Variants in ANKRD50 observed in about 807,000 individuals in gnomAD.
The protein encoded by ANKRD50 is ankyrin repeat domain-containing protein 50.
A neutral mutation model predicts 112.0 loss-of-function variants in ANKRD50; 40 were observed. The observed-to-expected ratio is 0.36, with a 90% CI of 0.28 to 0.46. ANKRD50 has a LOEUF of 0.46. Ranked by LOEUF, ANKRD50 falls within the 20% of genes least tolerant of loss-of-function variation. ANKRD50 has a pLI of 1.00. For missense variants in ANKRD50, 1,487 were observed against 1,701.7 expected (o/e 0.87, Z 2.22); for synonymous variants, 613 against 619.1 (o/e 0.99, Z 0.15).
In ANKRD50 at chr4:124,664,365, CCAAATT is replaced by C. The variant is rs1352833977; in HGVS notation, c.*3147_*3152del. 2 of 151,950 alleles carry C rather than the reference CCAAATT, an allele frequency of 1.3e-5. No individual in the cohort carries two copies. Among genetic ancestry groups the C allele is most frequent in the African/African-American group, 4.8e-5 (2 of 41,400 alleles). The allele number at this position is 151,950 out of a possible 1,614,324, so 9.4% of individuals were successfully genotyped here. A position where few individuals can be genotyped will look rare whatever the true frequency, so the allele number is the denominator to read the frequency against. Reference sequence around the variant, plus strand: ...TCACTTTCTTCTTTGCAAAATGTTTCCAAATTCATTTGCTCAGGATTTATTTAAGAT... The same window carrying C: ...TCACTTTCTTCTTTGCAAAATGTTTCCATTTGCTCAGGATTTATTTAAGAT... On this transcript the variant is annotated 3_prime_UTR_variant, in exon 5 of 5. Transcript: ENST00000504087.
chr4:124,671,394 GA>G lies in ANKRD50; in HGVS notation c.1882del (p.Ser628LeufsTer8). 1 of 1,613,876 alleles carries G rather than the reference GA, an allele frequency of 6.2e-7. No homozygotes were observed. Among genetic ancestry groups the G allele is most frequent in the Non-Finnish European group, 8.5e-7 (1 of 1,179,872 alleles). On this transcript the variant is annotated frameshift_variant, in exon 4 of 5. Transcript: ENST00000504087. LOFTEE classifies it high-confidence loss of function. ...TTTTACGCCAGCATAAAGTAGTGCA[GA>G]AACTACCTCAGTATGGCCACCCCAA... ...AAWGGHTEVV[S>X]ALLYAGVKVD...
rs757587895 is a variant in ANKRD50 at position 124,710,323 on chromosome 4, A to C, written c.189T>G (p.Gly63=). Residue 63 remains glycine (G), a synonymous_variant, in exon 2 of 5, where the codon GGT becomes GGG. Coordinates refer to ENST00000504087, the MANE Select transcript of ANKRD50 (RefSeq NM_020337.3). The part of the protein sequence containing the change: ...LVMNSGNNAS[G]VSGKGAAWGV... The stretch of plus-strand genomic sequence containing the variant: ...CCCAGGCAGCTCCCTTTCCAGAGAC[A>C]CCACTAGCATTATTCCCAGAATTCA... 4.3e-6 allele frequency: 7 copies of C among 1,614,054 alleles called. No homozygotes were observed. Among genetic ancestry groups the C allele is most frequent in the Non-Finnish European group, 5.9e-6 (7 of 1,180,046 alleles).
chr4:124,676,119 T>G (rs1472406695), intron 3 of ANKRD50, among the ~76,000 whole-genome samples: 2 of 151,728 alleles, frequency 1.3e-5, no homozygotes, highest in Non-Finnish European at 3.0e-5. Context: ...CAGAAAGATA[T>G]GTGTAGGACA....
chr4:124,706,267 CTCAT>C (rs1469734723), intron 2 of ANKRD50, among the ~76,000 whole-genome samples: 1 of 152,040 alleles, frequency 6.6e-6, no homozygotes, highest in Non-Finnish European at 1.5e-5. Flanking sequence ...GGAGAACACT[CTCAT>C]TATTTGTCAT....
chr4:124,687,759 C>T (rs184935018), intron 2 of ANKRD50, among the ~76,000 whole-genome samples: 4 of 152,216 alleles, frequency 2.6e-5, no homozygotes, highest in East Asian at 1.9e-4. Flanking sequence ...AACATAAAAA[C>T]GTGCTCAACA....
In ANKRD50 at chr4:124,710,536, TAG is replaced by T. The variant is rs1413922956; in HGVS notation, c.-27_-26del. On this transcript the variant is annotated 5_prime_UTR_variant, in exon 2 of 5. An upstream open reading frame in the 5' UTR loses its in-frame stop. Coordinates refer to ENST00000504087, the MANE Select transcript of ANKRD50 (RefSeq NM_020337.3). ...TAACGGGTTTTTTATCTTCATTTGC[TAG>T]AGTCTGGATACATCAACACAGGTCT... 6.3e-7 allele frequency: 1 copy of T among 1,591,818 alleles called. No individual in the cohort carries two copies. Among genetic ancestry groups the T allele is most frequent in the Non-Finnish European group, 8.5e-7 (1 of 1,173,564 alleles).
chr4:124,709,074 C>T (rs1725569756), intron 2 of ANKRD50, among the ~76,000 whole-genome samples: 1 of 151,172 alleles, frequency 6.6e-6, no homozygotes, highest in African/African-American at 2.4e-5. Flanking sequence ...CACACACACA[C>T]ACACACAAAC....
chr4:124,673,359 A>G (rs1730703776), intron 3 of ANKRD50, among the ~76,000 whole-genome samples: 1 of 152,110 alleles, frequency 6.6e-6, no homozygotes. Context: ...GAATGAACTT[A>G]CCAAGTCTCT....
At chr4:124,677,962 TAAC>T (rs1248190687) in intron 3 of ANKRD50, among the ~76,000 whole-genome samples, 1 of 152,020 alleles carries the variant, frequency 6.6e-6, no homozygotes, top group East Asian at 1.9e-4. Context: ...TTTTTATCAA[TAAC>T]AACAAGAAAG....
intron 2 of ANKRD50, among the ~76,000 whole-genome samples, chr4:124,689,656 C>G (rs1454499668): frequency 6.6e-6 from 1 of 152,188 alleles, no homozygotes; most frequent in Non-Finnish European, 1.5e-5. Context: ...AGACTGCTGA[C>G]TTTCATACTG....
chr4:124,670,290 T>C lies in ANKRD50; in HGVS notation c.2987A>G (p.Gln996Arg), dbSNP rs1444962631. ...GTCAGCATGGTATGCTATCAGGACC[T>C]GCACCATTTCCATATGGCCTTGCCA... ...SCWQGHMEMV[Q>R]VLIAYHADVN... The change falls in exon 4 of 5, where the codon CAG (glutamine) becomes CGG (arginine). Residue 996 changes from glutamine (Q) to arginine (R), a missense_variant. Coordinates refer to ENST00000504087, the MANE Select transcript of ANKRD50 (RefSeq NM_020337.3). The C allele has an allele frequency of 6.2e-7, 1 of 1,613,854 alleles. No homozygotes were observed. Among genetic ancestry groups the C allele is most frequent in the Non-Finnish European group, 8.5e-7 (1 of 1,179,924 alleles).
At chr4:124,698,848 T>C (rs972181650) in intron 2 of ANKRD50, among the ~76,000 whole-genome samples, 3 of 152,142 alleles carry the variant, frequency 2.0e-5, no homozygotes, top group African/African-American at 7.2e-5. Flanking sequence ...AAAAATGATA[T>C]ACTCCTCCAT....
rs1197808603 is a variant in ANKRD50 at position 124,666,415 on chromosome 4, T to C, written c.*1103A>G. On this transcript the variant is annotated 3_prime_UTR_variant, in exon 5 of 5. Transcript: ENST00000504087. Reference sequence around the variant, plus strand: ...TGCTATGATTGACAGGGGAGTGGTGTCATCTGTGAAGGGCAGCACATTTTA... The same window carrying C: ...TGCTATGATTGACAGGGGAGTGGTGCCATCTGTGAAGGGCAGCACATTTTA... The C allele has an allele frequency of 3.3e-5, 5 of 152,538 alleles. No individual in the cohort carries two copies. The East Asian group carries it at 9.7e-4, about 30-fold the overall frequency. 9.4% of individuals were successfully genotyped at this position (152,538 alleles called of 1,614,324 possible).
chr4:124,668,912 C>T (rs978354895), intron 4 of ANKRD50, 72 bp downstream of exon 4: 1 of 1,395,514 alleles, frequency 7.2e-7, no homozygotes, highest in African/African-American at 1.5e-5. Context: ...GCCTTGTGAT[C>T]AAGGAAAAGA....
intron 3 of ANKRD50, among the ~76,000 whole-genome samples, chr4:124,675,765 G>A (rs1465685720): frequency 6.6e-6 from 1 of 151,624 alleles, no homozygotes. Context: ...AAAATGTTTT[G>A]AAATAGGCTG....
chr4:124,706,149 A>G (rs1725499836), intron 2 of ANKRD50, among the ~76,000 whole-genome samples: 1 of 152,122 alleles, frequency 6.6e-6, no homozygotes, highest in Non-Finnish European at 1.5e-5. Flanking sequence ...TTTGAGTTCC[A>G]TGAAGGCAGA....
chr4:124,700,145 G>A (rs906979711), intron 2 of ANKRD50, among the ~76,000 whole-genome samples: 1 of 152,168 alleles, frequency 6.6e-6, no homozygotes, highest in Non-Finnish European at 1.5e-5. Flanking sequence ...AGGAGGCAAT[G>A]TTAAAGATGG....
rs772425796 is a variant in ANKRD50 at position 124,669,438 on chromosome 4, C to A, written c.3839G>T (p.Gly1280Val). 55 of 1,612,686 alleles carry A rather than the reference C, an allele frequency of 3.4e-5. No homozygotes were observed. In the East Asian group the frequency reaches 1.2e-3, roughly 35 times the overall value. ...TTGTTTCGCTTTTTTCCCAGCTGAT[C>A]CAGACTTGGCAGAATTTTCTGATTT... is the stretch of plus-strand genomic sequence containing the variant. ...GGKSENSAKSGSAGKKAKQSN... is the reference protein window; with the variant it reads ...GGKSENSAKSVSAGKKAKQSN... Residue 1280 changes from glycine (G) to valine (V), a missense_variant, in exon 4 of 5, where the codon GGA becomes GTA. Gly to Val is a moderately radical substitution (Grantham distance 109). Around this residue, in one of 2 missense-constraint regions of ANKRD50, gnomAD observed 441 missense variants for 432.2 expected, o/e 1.02. Coordinates refer to ENST00000504087, the MANE Select transcript of ANKRD50 (RefSeq NM_020337.3).
intron 2 of ANKRD50, among the ~76,000 whole-genome samples, chr4:124,692,820 C>T (rs1487430071): frequency 6.6e-6 from 1 of 152,160 alleles, no homozygotes; most frequent in Non-Finnish European, 1.5e-5. Context: ...TTATAAGCTA[C>T]CTAGTCTATT....
Sources: gnomAD v4.1 joint callset for allele counts (sites outside exome capture counted in the v4.1 genomes callset) on GRCh38, gnomAD v4.1.1 for gene constraint, gnomAD v4.1.1 regional missense constraint, MANE v1.5 for transcripts, NCBI Gene and HGNC (gene_info 2026-07-23, HGNC 2026-07-21) for gene names.